LRRC58: variants seen among roughly 807,000 people sequenced by gnomAD.
The protein encoded by LRRC58 is leucine rich repeat containing 58, also known as leucine-rich repeat-containing protein 58.
A neutral mutation model predicts 30.6 loss-of-function variants in LRRC58; 18 were observed. That is an observed-to-expected ratio of 0.59 (90% confidence interval 0.41 to 0.87). The LOEUF (loss-of-function observed/expected upper bound fraction) is 0.87. Ranked by LOEUF, LRRC58 falls within the 40% of genes least tolerant of loss-of-function variation. LRRC58 has a pLI of 0.00. For synonymous variants in LRRC58, 221 were observed against 206.0 expected, an observed-to-expected ratio of 1.07 and a Z score of -0.62; for missense variants, 420 against 468.4, an observed-to-expected ratio of 0.90 and a Z score of 0.95.
Position 120,349,017 on chromosome 3 carries a change from C to T in LRRC58, c.227G>A (p.Ser76Asn), listed in dbSNP as rs1196022818. The change falls in exon 1 of 4, where the codon AGC (serine) becomes AAC (asparagine). Residue 76 changes from serine to asparagine, a missense_variant. Physicochemically the swap from Ser to Asn is conservative, Grantham distance 46. Transcript: ENST00000295628. Reference protein sequence around the residue: ...GFPHLQLLDVSGNALTALGPE... With the variant: ...GFPHLQLLDVNGNALTALGPE... ...CCCGAGCGCGGTCAACGCGTTGCCG[C>T]TCACGTCCAGCAGCTGGAGGTGCGG... The T allele has an allele frequency of 1.3e-6, 2 of 1,520,318 alleles. No homozygotes were observed. The highest frequency in any genetic ancestry group is 4.1e-5 in the Admixed American group (2 of 49,294). The allele number at this position is 1,520,318 out of a possible 1,614,324, so 94.2% of individuals were successfully genotyped here.
intron 1 of LRRC58, among the ~76,000 whole-genome samples, chr3:120,340,802 CAGG>C (rs1935895302): frequency 6.6e-6 from 1 of 152,122 alleles, no homozygotes; most frequent in African/African-American, 2.4e-5. Context: ...GAGGCTAAGG[CAGG>C]AGAATTGCTT....
In LRRC58 at chr3:120,331,203, A is replaced by G; in HGVS notation, c.1113T>C (p.Gly371=). ...TCACAACACTGTGCACTCCTGTTCA[A>G]CCAAGAAGAACTTTCTGCATTCTGC... ...AARRMQKVLL[G] Residue 371 remains glycine (G), a synonymous_variant, in exon 4 of 4, where the codon GGT becomes GGC. Coordinates refer to ENST00000295628, the MANE Select transcript of LRRC58 (RefSeq NM_001099678.2). 1 of 1,613,842 alleles carries G rather than the reference A, an allele frequency of 6.2e-7. No individual in the cohort carries two copies. Among genetic ancestry groups the G allele is most frequent in the Admixed American group, 1.7e-5 (1 of 60,012 alleles).
At position 120,348,789 on chromosome 3, in the gene LRRC58, C is replaced by A; in HGVS notation, c.455G>T (p.Gly152Val). Reference protein sequence around the residue: ...LRALQTLSLGGNQLQSIPAEI... With the variant: ...LRALQTLSLGVNQLQSIPAEI... ...AGCCGGGATGCTCTGCAGTTGGTTGCCGCCCAGGCTCAGGGTCTGCAGCGC... is the reference window on the plus strand; with the variant it reads ...AGCCGGGATGCTCTGCAGTTGGTTGACGCCCAGGCTCAGGGTCTGCAGCGC... The change falls in exon 1 of 4, where the codon GGC becomes GTC. Residue 152 changes from glycine to valine, a missense_variant. Gly to Val is a moderately radical substitution (Grantham distance 109). Transcript: ENST00000295628. 6.2e-7 allele frequency: 1 copy of A among 1,605,144 alleles called. No homozygotes were observed. The highest frequency in any genetic ancestry group is 8.5e-7 in the Non-Finnish European group (1 of 1,176,562).
Position 120,325,753 on chromosome 3 carries a change from C to T in LRRC58, c.*5447G>A, listed in dbSNP as rs984322914. The T allele has an allele frequency of 6.6e-6, 1 of 152,178 alleles. No homozygotes were observed. The allele number at this position is 152,178 out of a possible 1,614,324, so 9.4% of individuals were successfully genotyped here. On this transcript the variant is annotated 3_prime_UTR_variant, in exon 4 of 4. Transcript: ENST00000295628. ...AGCCTTACAATATCTTCATAAGATG[C>T]TATAAATATGAAGTTGGTTAGAAAC...
At position 120,327,242 on chromosome 3, in the gene LRRC58, GATTTCT is replaced by G. The variant is rs1186122367; in HGVS notation, c.*3952_*3957del. ...CTCTTCTAGCCCTGTGGCTTCTAAA[GATTTCT>G]TTTTTTTTTTTTTTTTTTTTTGAGA... On this transcript the variant is annotated 3_prime_UTR_variant, in exon 4 of 4. Coordinates refer to ENST00000295628, the MANE Select transcript of LRRC58 (RefSeq NM_001099678.2). The G allele has an allele frequency of 1.6e-5, 2 of 122,390 alleles. No homozygotes were observed. Among genetic ancestry groups the G allele is most frequent in the Non-Finnish European group, 1.7e-5 (1 of 59,832 alleles). 7.6% of individuals were successfully genotyped at this position (122,390 alleles called of 1,614,324 possible). A position where few individuals can be genotyped will look rare whatever the true frequency, so the allele number is the denominator to read the frequency against.
chr3:120,342,556 G>C (rs1215118694), intron 1 of LRRC58, among the ~76,000 whole-genome samples: 2 of 152,254 alleles, frequency 1.3e-5, no homozygotes, highest in East Asian at 3.9e-4. Context: ...ACTTGCTTGA[G>C]GAGAGGGGCC....
chr3:120,338,127 G>A (rs1053982096), intron 1 of LRRC58, among the ~76,000 whole-genome samples: 3 of 152,204 alleles, frequency 2.0e-5, no homozygotes, highest in Non-Finnish European at 2.9e-5. Flanking sequence ...ACGGGCGTGA[G>A]CCACGGTGCC....
rs796116731 is a variant in LRRC58 at position 120,347,379 on chromosome 3, C to CT, written c.500+1364dup. Among the ~76,000 whole-genome samples the CT allele has an allele frequency of 6.4e-3, 350 of 54,838 alleles. 35 individuals are homozygous for CT. Among genetic ancestry groups the CT allele is most frequent in the Middle Eastern group, 0.029 (2 of 68 alleles). The allele number at this position is 54,838 out of a possible 152,430, so 36.0% of individuals were successfully genotyped here. Reference sequence around the variant, plus strand: ...AGTTCTTTTTTCCCAGGCCAATATTCTTTTTTTTTTTTTTTTTTTTTTTGA... The same window carrying CT: ...AGTTCTTTTTTCCCAGGCCAATATTCTTTTTTTTTTTTTTTTTTTTTTTTGA... On this transcript the variant is annotated intron_variant, in intron 1 of 3. Coordinates refer to ENST00000295628, the MANE Select transcript of LRRC58 (RefSeq NM_001099678.2).
intron 1 of LRRC58, among the ~76,000 whole-genome samples, chr3:120,347,907 C>T (rs1935993991): frequency 6.6e-6 from 1 of 152,140 alleles, no homozygotes; most frequent in Non-Finnish European, 1.5e-5. Context: ...TTAAATTTAA[C>T]ATATTTACTG....
At chr3:120,342,168 T>C (rs899314426) in intron 1 of LRRC58, among the ~76,000 whole-genome samples, 1 of 152,136 alleles carries the variant, frequency 6.6e-6, no homozygotes, top group African/African-American at 2.4e-5. Context: ...GACTGATTCC[T>C]GGGCAGAAGA....
intron 1 of LRRC58, among the ~76,000 whole-genome samples, chr3:120,338,068 C>T (rs1935857683): frequency 6.6e-6 from 1 of 152,150 alleles, no homozygotes; most frequent in Non-Finnish European, 1.5e-5. Flanking sequence ...GTCTCGAATT[C>T]CTGACCTCAG....
chr3:120,339,234 C>A (rs540171338), intron 1 of LRRC58, among the ~76,000 whole-genome samples: 1 of 152,102 alleles, frequency 6.6e-6, no homozygotes, highest in Non-Finnish European at 1.5e-5. Flanking sequence ...CCAGGAGTTA[C>A]CCCCTTCAAT....
At chr3:120,344,506 C>T (rs1935943390) in intron 1 of LRRC58, among the ~76,000 whole-genome samples, 1 of 152,216 alleles carries the variant, frequency 6.6e-6, no homozygotes, top group African/African-American at 2.4e-5. Flanking sequence ...AACATATCAA[C>T]CTACTGTACA....
chr3:120,346,689 G>A (rs1935972560), intron 1 of LRRC58, among the ~76,000 whole-genome samples: 1 of 152,118 alleles, frequency 6.6e-6, no homozygotes, highest in Non-Finnish European at 1.5e-5. Context: ...GGAACCAAGG[G>A]CTGTCAATTT....
chr3:120,341,623 C>T (rs1367819800), intron 1 of LRRC58, among the ~76,000 whole-genome samples: 2 of 152,092 alleles, frequency 1.3e-5, no homozygotes, highest in Non-Finnish European at 2.9e-5. Context: ...AGGGTGGAGC[C>T]CTCGTTAATG....
rs1935648094 is a variant in LRRC58 at position 120,324,607 on chromosome 3, A to T, written c.*6593T>A. ...GACTTTAATATAGAACTGGATTCCA[A>T]CAAAACAGTTTTATTAAAATAAGGC... On this transcript the variant is annotated 3_prime_UTR_variant, in exon 4 of 4. Transcript: ENST00000295628. 6.6e-6 allele frequency: 1 copy of T among 152,246 alleles called. No individual in the cohort carries two copies. The highest frequency in any genetic ancestry group is 6.5e-5 in the Admixed American group (1 of 15,280). 9.4% of individuals were successfully genotyped at this position (152,246 alleles called of 1,614,324 possible).
chr3:120,331,408 C>A lies in LRRC58; in HGVS notation c.908G>T (p.Gly303Val), dbSNP rs750579351. The change falls in exon 4 of 4, where the codon GGA becomes GTA. Residue 303 changes from glycine to valine, a missense_variant and splice_region_variant. Physicochemically the swap from Gly to Val is moderately radical, Grantham distance 109. Transcript: ENST00000295628. ...TCTGACACAGCAGTCAAAGTAGACT[C>A]CTAAAGAGAAGAAGGAATAGAAAGT... ...ASNCPNPKCGGVYFDCCVRQI... is the reference protein window; with the variant it reads ...ASNCPNPKCGVVYFDCCVRQI... 6 of 1,610,282 alleles carry A rather than the reference C, an allele frequency of 3.7e-6. No homozygotes were observed. The highest frequency in any genetic ancestry group is 5.1e-6 in the Non-Finnish European group (6 of 1,176,630).
intron 1 of LRRC58, among the ~76,000 whole-genome samples, chr3:120,347,941 T>C (rs1935994445): frequency 6.6e-6 from 1 of 152,216 alleles, no homozygotes; most frequent in Non-Finnish European, 1.5e-5. Flanking sequence ...GTGAAGCAGA[T>C]AATTCCTGTA....
At chr3:120,345,168 C>T (rs553194897) in intron 1 of LRRC58, among the ~76,000 whole-genome samples, 1 of 151,742 alleles carries the variant, frequency 6.6e-6, no homozygotes, top group Non-Finnish European at 1.5e-5. Flanking sequence ...GTATAGAAAA[C>T]ATAGATATCT....
Sources: allele counts gnomAD v4.1 joint callset (sites outside exome capture counted in the v4.1 genomes callset), GRCh38; gene constraint gnomAD v4.1.1; transcripts MANE v1.5; gene names NCBI Gene and HGNC (gene_info 2026-07-23, HGNC 2026-07-21).